Variants in GFRAL observed in about 807,000 individuals in gnomAD.
GFRAL encodes the protein GDNF family receptor alpha like.
In GFRAL, 36 loss-of-function variants were observed where a neutral mutation model predicts 45.4. The observed-to-expected ratio is 0.79, with a 90% CI of 0.61 to 1.05. GFRAL has a LOEUF of 1.05. GFRAL is among the 50% of genes least tolerant of loss of function. GFRAL has a pLI of 0.00. For synonymous variants in GFRAL, 166 were observed against 154.1 expected (o/e 1.08, Z -0.57); for missense variants, 507 against 467.5 (o/e 1.08, Z -0.78).
rs1453742891 is a variant in GFRAL, at chr6:55,351,365, G to C, written c.483G>C (p.Pro161=). 6.2e-7 allele frequency: 1 copy of C among 1,613,530 alleles called. No individual in the cohort carries two copies. The highest frequency in any genetic ancestry group is 8.5e-7 in the Non-Finnish European group (1 of 1,179,636). The change falls in exon 5 of 9, where the codon CCG becomes CCC. Residue 161 remains proline, a synonymous_variant. Coordinates refer to ENST00000340465, the MANE Select transcript of GFRAL (RefSeq NM_207410.2). ...YLKACSANGN[P]CDLKQCQAAI... Reference sequence around the variant, plus strand: ...AAGCTTGCTCAGCAAATGGAAATCCGTGTGATCTGAAACAGTGCCAAGCAG... The same window carrying C: ...AAGCTTGCTCAGCAAATGGAAATCCCTGTGATCTGAAACAGTGCCAAGCAG...
intron 1 of GFRAL, among the ~76,000 whole-genome samples, chr6:55,329,362 A>G (rs967760061): frequency 2.0e-5 from 3 of 152,174 alleles, no homozygotes; most frequent in Non-Finnish European, 2.9e-5. Flanking sequence ...TTTGGGGAAG[A>G]CAACATGTAG....
At chr6:55,359,186 C>CTATCTATCTATCTATCATCTATCT in intron 6 of GFRAL, 48 bp downstream of exon 6, 1 of 1,450,130 alleles carries the variant, frequency 6.9e-7, no homozygotes, top group African/African-American at 1.8e-5. Context: ...ATCTATCTAT[C>CTATCTATCTATCTATCATCTATCT]ATCTATCTAT....
intron 6 of GFRAL, among the ~76,000 whole-genome samples, chr6:55,368,093 T>G (rs922647354): frequency 6.7e-6 from 1 of 149,868 alleles, no homozygotes; most frequent in Non-Finnish European, 1.5e-5. Context: ...CAGATGTAGA[T>G]TTGGTCTTTT....
intron 6 of GFRAL, among the ~76,000 whole-genome samples, chr6:55,359,808 C>T (rs1163069533): frequency 6.6e-6 from 1 of 151,962 alleles, no homozygotes; most frequent in Non-Finnish European, 1.5e-5. Context: ...AATTATTTCA[C>T]TGAACAAAGC....
Position 55,350,036 on chromosome 6 carries a change from CTAGG to C in GFRAL, c.317-55_317-52del. 1.9e-6 allele frequency: 2 copies of C among 1,070,524 alleles called. 1 individual carries two copies. Among genetic ancestry groups the C allele is most frequent in the South Asian group, 2.5e-5 (2 of 78,628 alleles). The allele number at this position is 1,070,524 out of a possible 1,614,324, so 66.3% of individuals were successfully genotyped here. ...ATTTATAAATGTGGCCCACGTTTTC[CTAGG>C]AAATTCAGAAAATTGTTCAATAATG... is the stretch of plus-strand genomic sequence containing the variant. On this transcript the variant is annotated intron_variant, in intron 3 of 8. Coordinates refer to ENST00000340465, the MANE Select transcript of GFRAL (RefSeq NM_207410.2).
intron 8 of GFRAL, among the ~76,000 whole-genome samples, chr6:55,399,916 A>G (rs1036300481): frequency 2.6e-5 from 4 of 152,150 alleles, no homozygotes; most frequent in African/African-American, 9.7e-5. Flanking sequence ...TGAAAAAGAC[A>G]TTTCATAAAG....
chr6:55,354,929 C>T (rs1175953412), intron 5 of GFRAL, among the ~76,000 whole-genome samples: 16 of 151,856 alleles, frequency 1.1e-4, no homozygotes, highest in Admixed American at 6.6e-4. Flanking sequence ...TCTCTAGTAC[C>T]GACACCCTCA....
chr6:55,362,965 G>A (rs1356712694), intron 6 of GFRAL, among the ~76,000 whole-genome samples: 2 of 150,690 alleles, frequency 1.3e-5, no homozygotes, highest in African/African-American at 2.4e-5. Context: ...AGGAGGAGAA[G>A]GGGGAGGAGG....
In GFRAL at chr6:55,372,475, G is replaced by A. The variant is rs377610958; in HGVS notation, c.952+13337G>A. 1.2e-4 allele frequency among the ~76,000 whole-genome samples: 19 copies of A among 152,196 alleles called. No homozygotes were observed. The East Asian group carries it at 1.5e-3, about 12-fold the overall frequency. On this transcript the variant is annotated intron_variant, in intron 6 of 8. Coordinates refer to ENST00000340465, the MANE Select transcript of GFRAL (RefSeq NM_207410.2). ...TTTACAGAATGGAAGTTTATTTCTT[G>A]GGAGCATTAAGTCCAATCAGCATTA...
At chr6:55,349,834 A>G (rs549493026) in intron 3 of GFRAL, among the ~76,000 whole-genome samples, 20 of 149,928 alleles carry the variant, frequency 1.3e-4, no homozygotes, top group Middle Eastern at 3.4e-3. Context: ...AATCACTAGC[A>G]TTTATTTAAG....
At chr6:55,359,844 C>G (rs1180819948) in intron 6 of GFRAL, among the ~76,000 whole-genome samples, 1 of 151,920 alleles carries the variant, frequency 6.6e-6, no homozygotes, top group African/African-American at 2.4e-5. Flanking sequence ...ACCTCAGAGT[C>G]ACTGTGGGAG....
intron 3 of GFRAL, among the ~76,000 whole-genome samples, chr6:55,343,800 A>C (rs1476068236): frequency 6.6e-6 from 1 of 152,202 alleles, no homozygotes; most frequent in Non-Finnish European, 1.5e-5. Context: ...TAAAGAAGAA[A>C]AAAGAGAAGA....
At chr6:55,343,496 C>T (rs1335010784) in intron 3 of GFRAL, among the ~76,000 whole-genome samples, 1 of 152,128 alleles carries the variant, frequency 6.6e-6, no homozygotes, top group Non-Finnish European at 1.5e-5. Context: ...AAAGTCACAA[C>T]ATACCAGAAT....
intron 6 of GFRAL, among the ~76,000 whole-genome samples, chr6:55,366,345 G>T (rs1353568321): frequency 1.3e-5 from 2 of 149,552 alleles, no homozygotes; most frequent in African/African-American, 2.5e-5. Flanking sequence ...TTCTTTATTA[G>T]TCTTGCTAGT....
chr6:55,333,645 T>C (rs2127350022), intron 2 of GFRAL, 141 bp from the exon 3 acceptor site: 3 of 462,430 alleles, frequency 6.5e-6, no homozygotes, highest in Non-Finnish European at 1.1e-5. Flanking sequence ...ATGTCACTTA[T>C]ATGGATATCT....
intron 3 of GFRAL, among the ~76,000 whole-genome samples, chr6:55,347,045 T>A (rs1179674284): frequency 6.6e-6 from 1 of 151,862 alleles, no homozygotes; most frequent in South Asian, 2.1e-4. Flanking sequence ...CAGTAAAATT[T>A]TATAGGGTTG....
At chr6:55,329,164 A>T (rs1305966093) in intron 1 of GFRAL, among the ~76,000 whole-genome samples, 1 of 152,118 alleles carries the variant, frequency 6.6e-6, no homozygotes, top group Non-Finnish European at 1.5e-5. Context: ...TTGGAGAGGT[A>T]ATACATTCTT....
At chr6:55,375,750 G>C (rs1347605755) in intron 6 of GFRAL, among the ~76,000 whole-genome samples, 1 of 152,118 alleles carries the variant, frequency 6.6e-6, no homozygotes, top group Non-Finnish European at 1.5e-5. Context: ...ATCAGCTTAA[G>C]ATGCTTTTGG....
chr6:55,390,935 A>C lies in GFRAL; in HGVS notation c.953-8245A>C, dbSNP rs1965363. On this transcript the variant is annotated intron_variant, in intron 6 of 8. Coordinates refer to ENST00000340465, the MANE Select transcript of GFRAL (RefSeq NM_207410.2). ...ACACACACACACACACACACACACAAGTAGTGGTCTAACTCACAGGGCATT... is the reference window on the plus strand; with the variant it reads ...ACACACACACACACACACACACACACGTAGTGGTCTAACTCACAGGGCATT... 2.5e-3 allele frequency among the ~76,000 whole-genome samples: 202 copies of C among 81,128 alleles called. 3 individuals are homozygous for C. In the South Asian group the frequency reaches 0.05, roughly 20 times the overall value. 53.2% of individuals were successfully genotyped at this position (81,128 alleles called of 152,430 possible).
Sources: gnomAD v4.1 joint callset for allele counts (sites outside exome capture counted in the v4.1 genomes callset) on GRCh38, gnomAD v4.1.1 for gene constraint, MANE v1.5 for transcripts, NCBI Gene and HGNC (gene_info 2026-07-23, HGNC 2026-07-21) for gene names.